The following PIGX variants were observed in gnomAD, a reference collection of about 807,000 sequenced individuals.
The protein encoded by PIGX is phosphatidylinositol glycan anchor biosynthesis class X.
In PIGX, 24 loss-of-function variants were observed where a neutral mutation model predicts 28.7. The ratio of observed to expected loss-of-function variants is 0.84; its 90% CI spans 0.60 to 1.17. The LOEUF (loss-of-function observed/expected upper bound fraction) is 1.17. Ranked by LOEUF, PIGX falls within the 50% of genes most tolerant of loss-of-function variation. The pLI, the probability that PIGX is intolerant of heterozygous loss-of-function variation, is 0.00. For missense variants in PIGX, 305 were observed against 317.8 expected (o/e 0.96, Z 0.31); for synonymous variants, 127 against 121.0 (o/e 1.05, Z -0.33).
chr3:196,732,511 A>G (rs1488173982), intron 5 of PIGX, among the ~76,000 whole-genome samples: 1 of 149,150 alleles, frequency 6.7e-6, no homozygotes, highest in Non-Finnish European at 1.5e-5. Context: ...CAAACTCCTG[A>G]CCTCATGATC....
chr3:196,729,614 C>T (rs2108687281), intron 4 of PIGX, among the ~76,000 whole-genome samples: 1 of 151,112 alleles, frequency 6.6e-6, no homozygotes, highest in Admixed American at 6.6e-5. Context: ...GTCTCGAACT[C>T]CTGACCTCGT....
intron 1 of PIGX, among the ~76,000 whole-genome samples, chr3:196,715,651 T>C (rs1712068414): frequency 6.6e-6 from 1 of 152,210 alleles, no homozygotes; most frequent in African/African-American, 2.4e-5. Flanking sequence ...AACAGGATTA[T>C]GTAAATAATA....
At chr3:196,732,278 T>TTTA (rs1262959463) in intron 5 of PIGX, among the ~76,000 whole-genome samples, 2,889 of 69,114 alleles carry the variant, frequency 0.042, 79 homozygotes, top group Non-Finnish European at 0.057. Context: ...TTTATTTTTT[T>TTTA]TTTTATTTTA....
At chr3:196,720,545 C>T (rs554082595) in intron 2 of PIGX, among the ~76,000 whole-genome samples, 2 of 152,198 alleles carry the variant, frequency 1.3e-5, no homozygotes, top group East Asian at 3.9e-4. Context: ...CTTCATATTC[C>T]CAGAAGTGGA....
rs1712981754 is a variant in PIGX, at chr3:196,735,782, A to G, written c.*1880A>G. ...ATTGTTTTGGGATATGGTTAGATTG[A>G]CAGGCAACGTTTTGGAATATGGTTA... On this transcript the variant is annotated 3_prime_UTR_variant, in exon 6 of 6. Transcript: ENST00000392391. 1 of 152,206 alleles carries G rather than the reference A, an allele frequency of 6.6e-6. No homozygotes were observed. Among genetic ancestry groups the G allele is most frequent in the Admixed American group, 6.5e-5 (1 of 15,274 alleles). The allele number at this position is 152,206 out of a possible 1,614,324, so 9.4% of individuals were successfully genotyped here.
Position 196,734,121 on chromosome 3 carries a change from G to A in PIGX, c.*219G>A. ...TCCTCAAGCATCAGATGCCATAAGG[G>A]GAAACTTAATTCTGCTAAATTAATG... On this transcript the variant is annotated 3_prime_UTR_variant, in exon 6 of 6. Transcript: ENST00000392391. The A allele has an allele frequency of 2.4e-6, 1 of 414,728 alleles. No homozygotes were observed. The highest frequency in any genetic ancestry group is 6.6e-5 in the South Asian group (1 of 15,250). 25.7% of individuals were successfully genotyped at this position (414,728 alleles called of 1,614,324 possible).
intron 3 of PIGX, among the ~76,000 whole-genome samples, chr3:196,727,458 G>A (rs1358517430): frequency 6.6e-6 from 1 of 151,972 alleles, no homozygotes; most frequent in African/African-American, 2.4e-5. Flanking sequence ...CTTCCTGACC[G>A]CAGTGCTCTT....
intron 3 of PIGX, chr3:196,726,791 A>T: frequency 2.5e-6 from 1 of 400,096 alleles, no homozygotes; most frequent in South Asian, 1.8e-5. Flanking sequence ...TACAGTTTCT[A>T]CTCATGAAAA....
chr3:196,713,740 G>A (rs183178626), intron 1 of PIGX, among the ~76,000 whole-genome samples: 2 of 151,850 alleles, frequency 1.3e-5, no homozygotes, highest in East Asian at 3.9e-4. Flanking sequence ...AGGGGGCTAA[G>A]GCAGGAGAAT....
At chr3:196,729,608 C>G (rs1021124988) in intron 4 of PIGX, among the ~76,000 whole-genome samples, 2 of 150,784 alleles carry the variant, frequency 1.3e-5, no homozygotes, top group Non-Finnish European at 1.5e-5. Flanking sequence ...AGACTAGTCT[C>G]GAACTCCTGA....
intron 5 of PIGX, among the ~76,000 whole-genome samples, chr3:196,731,595 A>G (rs2108689119): frequency 6.6e-6 from 1 of 152,192 alleles, no homozygotes; most frequent in East Asian, 1.9e-4. Context: ...AAGATGGATG[A>G]CTCTGCAATC....
At chr3:196,732,686 G>A (rs984682001) in intron 5 of PIGX, among the ~76,000 whole-genome samples, 15 of 152,038 alleles carry the variant, frequency 9.9e-5, no homozygotes, top group African/African-American at 3.6e-4. Flanking sequence ...TTTGAATGAC[G>A]GTTTTCAGAT....
At position 196,716,198 on chromosome 3, in the gene PIGX, A is replaced by T. The variant is rs543312343; in HGVS notation, c.113-660A>T. On this transcript the variant is annotated intron_variant, in intron 1 of 5. Coordinates refer to ENST00000392391, the MANE Select transcript of PIGX (RefSeq NM_017861.4). ...TCTGGAATCTGGATGAAGTCAGTAT[A>T]CTGAGATTTGTGCTTATTCTAAGTT... 7.2e-5 allele frequency among the ~76,000 whole-genome samples: 11 copies of T among 152,226 alleles called. No individual in the cohort carries two copies. The South Asian group carries it at 2.3e-3, about 32-fold the overall frequency.
intron 1 of PIGX, chr3:196,713,081 T>A: frequency 2.0e-6 from 2 of 985,708 alleles, no homozygotes; most frequent in Non-Finnish European, 2.4e-6. Context: ...GCAAACTGCT[T>A]GTACTACTGA....
intron 4 of PIGX, among the ~76,000 whole-genome samples, chr3:196,730,294 C>G (rs576886865): frequency 1.3e-5 from 2 of 152,222 alleles, no homozygotes; most frequent in South Asian, 4.1e-4. Flanking sequence ...TTCTGATATT[C>G]TGTCTTTTTA....
intron 1 of PIGX, among the ~76,000 whole-genome samples, chr3:196,714,803 C>T (rs1016776807): frequency 6.6e-6 from 1 of 152,132 alleles, no homozygotes. Context: ...CTCGGCTGGG[C>T]GCTGTGGCCC....
In PIGX at chr3:196,731,912, C is replaced by T. The variant is rs147442481; in HGVS notation, c.633+820C>T. On this transcript the variant is annotated intron_variant, in intron 5 of 5. Transcript: ENST00000392391. ...TGCAATCTTGGCTCACTGCAACCTC[C>T]GCCTCCCTGTTCAATCAGTTCTCCT... Among the ~76,000 whole-genome samples, 149 of 151,780 alleles carry T rather than the reference C, an allele frequency of 9.8e-4. No homozygotes were observed. The East Asian group carries it at 0.025, about 25-fold the overall frequency.
At chr3:196,712,689 CG>C in intron 1 of PIGX, 45 bp downstream of exon 1, 4 of 1,170,824 alleles carry the variant, frequency 3.4e-6, no homozygotes, top group Non-Finnish European at 4.2e-6. Context: ...GGAGCGGTCC[CG>C]GCTCCCGGGC....
rs760346156 is a variant in PIGX at position 196,728,152 on chromosome 3, G to GT, written c.532+20dup. 1.2e-6 allele frequency: 2 copies of GT among 1,600,972 alleles called. No individual in the cohort carries two copies. The highest frequency in any genetic ancestry group is 1.7e-6 in the Non-Finnish European group (2 of 1,168,382). ...TGTGACCAAGGTGAGGGCTGCAAGT[G>GT]TTTTCTAAGGGTTGAAACATCAGAA... is the stretch of plus-strand genomic sequence containing the variant. On this transcript the variant is annotated intron_variant, in intron 4 of 5. Transcript: ENST00000392391.
Sources: gnomAD v4.1 joint callset for allele counts (sites outside exome capture counted in the v4.1 genomes callset) on GRCh38, gnomAD v4.1.1 for gene constraint, MANE v1.5 for transcripts, NCBI Gene and HGNC (gene_info 2026-07-23, HGNC 2026-07-21) for gene names.